Variants in DNMT3A observed in about 807,000 individuals in gnomAD.
DNMT3A encodes the protein DNA methyltransferase 3 alpha.
In DNMT3A, 267 loss-of-function variants were observed where a neutral mutation model predicts 117.6. The observed-to-expected ratio is 2.27, with a 90% CI of 2.05 to 2.51. The LOEUF is 2.51. Ranked by LOEUF, DNMT3A falls within the 30% of genes most tolerant of loss-of-function variation. DNMT3A has a pLI of 0.00. For missense variants in DNMT3A, 1,029 were observed against 1,260.2 expected (o/e 0.82, Z 2.78); for synonymous variants, 432 against 474.8 (o/e 0.91, Z 1.17).
intron 6 of DNMT3A, among the ~76,000 whole-genome samples, chr2:25,263,527 G>T (rs1324601990): frequency 6.6e-6 from 1 of 152,142 alleles, no homozygotes; most frequent in Non-Finnish European, 1.5e-5. Flanking sequence ...TCAGTAGTAA[G>T]TACTGAGGTC....
chr2:25,280,664 C>T (rs928866452), intron 4 of DNMT3A, among the ~76,000 whole-genome samples: 31 of 152,206 alleles, frequency 2.0e-4, no homozygotes, highest in African/African-American at 7.2e-4. Flanking sequence ...TAATGTCTGT[C>T]TCTCCAGCTG....
At chr2:25,274,048 C>T (rs1157510033) in intron 6 of DNMT3A, among the ~76,000 whole-genome samples, 3 of 152,204 alleles carry the variant, frequency 2.0e-5, no homozygotes, top group East Asian at 1.9e-4. Context: ...CTCTGTCGCC[C>T]GTACTTCCCT....
chr2:25,324,172 T>C (rs956469211), intron 1 of DNMT3A, among the ~76,000 whole-genome samples: 20 of 152,212 alleles, frequency 1.3e-4, no homozygotes, highest in African/African-American at 4.8e-4. Context: ...AATGCAGTGG[T>C]CATTCACTCA....
chr2:25,334,722 A>G (rs2149450377), intron 1 of DNMT3A, among the ~76,000 whole-genome samples: 1 of 152,308 alleles, frequency 6.6e-6, no homozygotes, highest in South Asian at 2.1e-4. Context: ...CTACCAGCCT[A>G]GGCCTTTGCT....
intron 1 of DNMT3A, among the ~76,000 whole-genome samples, chr2:25,323,656 G>C (rs2034682534): frequency 6.6e-6 from 1 of 152,186 alleles, no homozygotes; most frequent in Non-Finnish European, 1.5e-5. Context: ...TCTTAACGAT[G>C]ATTACTCTCA....
chr2:25,247,688 C>G lies in DNMT3A; in HGVS notation c.917G>C (p.Trp306Ser). 1.2e-6 allele frequency: 2 copies of G among 1,613,918 alleles called. No homozygotes were observed. The highest frequency in any genetic ancestry group is 1.7e-6 in the Non-Finnish European group (2 of 1,180,020). ...CCACCAAGACACAATGCGGCCTGGCCACCAGGAGAAGCCCCGCAGTTTCCC... is the reference window on the plus strand; with the variant it reads ...CCACCAAGACACAATGCGGCCTGGCGACCAGGAGAAGCCCCGCAGTTTCCC... Reference protein sequence around the residue: ...VWGKLRGFSWWPGRIVSWWMT... With the variant: ...VWGKLRGFSWSPGRIVSWWMT... Residue 306 changes from tryptophan to serine, a missense_variant, in exon 8 of 23, where the codon TGG (tryptophan) becomes TCG (serine). Transcript: ENST00000321117. This position sits in a 1 kb window ranked among gnomAD's most constrained non-coding sequence, Gnocchi z 5.6.
At chr2:25,316,239 G>A (rs935066566) in intron 1 of DNMT3A, among the ~76,000 whole-genome samples, 4 of 152,200 alleles carry the variant, frequency 2.6e-5, no homozygotes, top group South Asian at 2.1e-4. Context: ...CGGGTGTGGC[G>A]AGGTTCAGAG....
At chr2:25,307,040 C>T (rs55815654) in intron 2 of DNMT3A, among the ~76,000 whole-genome samples, 57 of 152,322 alleles carry the variant, frequency 3.7e-4, no homozygotes, top group African/African-American at 1.3e-3. Context: ...AGTTCCTCAT[C>T]GGTAAAATGG....
intron 16 of DNMT3A, 112 bp downstream of exon 16, chr2:25,243,786 T>C (rs1030536383): frequency 8.5e-7 from 1 of 1,175,464 alleles, no homozygotes; most frequent in Admixed American, 2.0e-5. Flanking sequence ...TGGGATAATA[T>C]TTTAACAGCT....
chr2:25,247,516 C>T lies in DNMT3A; in HGVS notation c.1014+75G>A, dbSNP rs1484162082. The T allele has an allele frequency of 1.9e-6, 3 of 1,572,788 alleles. No homozygotes were observed. The highest frequency in any genetic ancestry group is 2.2e-5 in the East Asian group (1 of 44,504). ...TTCCATCACCCCAATTCCAGACTGCCCCCAGCCAAAACCACAGGCCCTGGG... is the reference window on the plus strand; with the variant it reads ...TTCCATCACCCCAATTCCAGACTGCTCCCAGCCAAAACCACAGGCCCTGGG... On this transcript the variant is annotated intron_variant, in intron 8 of 22. Transcript: ENST00000321117. This position sits in a 1 kb window ranked among gnomAD's most constrained non-coding sequence, Gnocchi z 5.6.
Position 25,282,222 on chromosome 2 carries a change from GGC to G in DNMT3A, c.448+217_448+218del. The G allele has an allele frequency of 8.0e-7, 1 of 1,246,850 alleles. No individual in the cohort carries two copies. Among genetic ancestry groups the G allele is most frequent in the Non-Finnish European group, 1.0e-6 (1 of 990,840 alleles). 77.2% of individuals were successfully genotyped at this position (1,246,850 alleles called of 1,614,324 possible). A position where few individuals can be genotyped will look rare whatever the true frequency, so the allele number is the denominator to read the frequency against. On this transcript the variant is annotated intron_variant, in intron 4 of 22. Coordinates refer to ENST00000321117, the MANE Select transcript of DNMT3A (RefSeq NM_022552.5). This position sits in a 1 kb window ranked among gnomAD's most constrained non-coding sequence, Gnocchi z 5.2. ...TGAAATTTTTTGATTTTTAAATACT[GGC>G]AACTAATTTTTTAAATGTTTAAAAC...
intron 1 of DNMT3A, among the ~76,000 whole-genome samples, chr2:25,340,272 C>T (rs1157445114): frequency 1.3e-5 from 2 of 152,188 alleles, no homozygotes; most frequent in Non-Finnish European, 2.9e-5. Flanking sequence ...CACTGCTCCC[C>T]GCCCAGGGCG....
chr2:25,300,765 ATAT>A lies in DNMT3A; in HGVS notation c.73-525_73-523del, dbSNP rs2033464549. ...TATATATATATATATATATATATAT[ATAT>A]AAATAATACATCCTTTGGGGAACTT... On this transcript the variant is annotated intron_variant, in intron 2 of 22. Coordinates refer to ENST00000321117, the MANE Select transcript of DNMT3A (RefSeq NM_022552.5). Among the ~76,000 whole-genome samples, 44 of 73,108 alleles carry A rather than the reference ATAT, an allele frequency of 6.0e-4. 1 individual carries two copies. The highest frequency in any genetic ancestry group is 8.9e-4 in the African/African-American group (16 of 17,944). 48.0% of individuals were successfully genotyped at this position (73,108 alleles called of 152,430 possible). A position where few individuals can be genotyped will look rare whatever the true frequency, so the allele number is the denominator to read the frequency against.
chr2:25,337,951 T>C lies in DNMT3A; in HGVS notation c.-178+3875A>G, dbSNP rs1023623359. Among the ~76,000 whole-genome samples the C allele has an allele frequency of 3.3e-5, 5 of 152,100 alleles. No homozygotes were observed. The highest frequency in any genetic ancestry group is 5.9e-5 in the Non-Finnish European group (4 of 68,040). On this transcript the variant is annotated intron_variant, in intron 1 of 22. Transcript: ENST00000321117. This position sits in a 1 kb window ranked among gnomAD's most constrained non-coding sequence, Gnocchi z 5.0. ...CGGGCTCTCTGCTCACATACTAATA[T>C]TCAAACAAAAGTAGAAGCTATTCCC...
At chr2:25,258,880 G>T (rs1676376854) in intron 6 of DNMT3A, among the ~76,000 whole-genome samples, 1 of 152,166 alleles carries the variant, frequency 6.6e-6, no homozygotes, top group Admixed American at 6.5e-5. Context: ...TTAGGGAGGG[G>T]GAGTGGTAAG....
At chr2:25,342,069 G>A (rs1476843513), upstream of DNMT3A, among the ~76,000 whole-genome samples, 1 of 124,810 alleles carries the variant, frequency 8.0e-6, no homozygotes, top group East Asian at 2.9e-4. This position sits in a 1 kb window ranked among gnomAD's most constrained non-coding sequence, Gnocchi z 5.9. Context: ...CCTCCCTCCG[G>A]CCGCCCGCGG....
At chr2:25,289,400 A>G (rs1028766026) in intron 3 of DNMT3A, among the ~76,000 whole-genome samples, 15 of 152,242 alleles carry the variant, frequency 9.9e-5, no homozygotes, top group African/African-American at 3.1e-4. Flanking sequence ...GCACCCGGCC[A>G]ATCTTATTTA....
In DNMT3A at chr2:25,275,107, A is replaced by G. The variant is rs1384083299; in HGVS notation, c.493-20T>C. ...GGAGCCCTAGGACAGAGAGACAGAC[A>G]TTAGGGCATTAGGGTGGGCACTGAC... On this transcript the variant is annotated intron_variant, in intron 5 of 22. Transcript: ENST00000321117. The G allele has an allele frequency of 1.9e-6, 3 of 1,545,940 alleles. No individual in the cohort carries two copies. The highest frequency in any genetic ancestry group is 2.6e-6 in the Non-Finnish European group (3 of 1,143,996).
rs1558704189 is a variant in DNMT3A at position 25,281,996 on chromosome 2, A to G, written c.448+445T>C. On this transcript the variant is annotated intron_variant, in intron 4 of 22. Coordinates refer to ENST00000321117, the MANE Select transcript of DNMT3A (RefSeq NM_022552.5). The surrounding 1 kb of genome is among the most constrained non-coding windows in gnomAD (Gnocchi z 4.8). Reference sequence around the variant, plus strand: ...CAGGCCAGGGGCTACAAATACAGCAACCCCCAGGAACTGCATGGCACGTGG... The same window carrying G: ...CAGGCCAGGGGCTACAAATACAGCAGCCCCCAGGAACTGCATGGCACGTGG... 5 of 1,099,464 alleles carry G rather than the reference A, an allele frequency of 4.5e-6. No individual in the cohort carries two copies. Among genetic ancestry groups the G allele is most frequent in the Non-Finnish European group, 5.6e-6 (5 of 900,050 alleles). The allele number at this position is 1,099,464 out of a possible 1,614,324, so 68.1% of individuals were successfully genotyped here.
Sources: gnomAD v4.1 joint callset for allele counts (sites outside exome capture counted in the v4.1 genomes callset) on GRCh38, gnomAD v4.1.1 for gene constraint, Gnocchi (gnomAD v3.1) non-coding constraint, MANE v1.5 for transcripts, NCBI Gene and HGNC (gene_info 2026-07-23, HGNC 2026-07-21) for gene names.